Variants in GNAZ observed in about 807,000 individuals in gnomAD.
GNAZ encodes the protein G protein subunit alpha z.
In GNAZ, 3 loss-of-function variants were observed where a neutral mutation model predicts 25.4. The ratio of observed to expected loss-of-function variants is 0.12; its 90% CI spans 0.05 to 0.30. The LOEUF (loss-of-function observed/expected upper bound fraction) is 0.30. Ranked by LOEUF, GNAZ falls within the 10% of genes least tolerant of loss-of-function variation. The pLI is 1.00. For synonymous variants in GNAZ, 211 were observed against 205.7 expected (o/e 1.03, Z -0.22); for missense variants, 241 against 501.8 (o/e 0.48, Z 4.97).
At chr22:23,088,953 C>G (rs1316760510) in intron 1 of GNAZ, among the ~76,000 whole-genome samples, 2 of 152,224 alleles carry the variant, frequency 1.3e-5, no homozygotes, top group Non-Finnish European at 2.9e-5. Flanking sequence ...CAGTCACAGT[C>G]TGGGTACAGT....
chr22:23,119,982 A>G (rs2069964955), intron 2 of GNAZ, among the ~76,000 whole-genome samples: 1 of 152,200 alleles, frequency 6.6e-6, no homozygotes, highest in Non-Finnish European at 1.5e-5. Context: ...CCTGCAAAGC[A>G]AGGGGAGTCC....
intron 2 of GNAZ, among the ~76,000 whole-genome samples, chr22:23,118,108 C>G (rs1265344508): frequency 6.6e-6 from 1 of 152,232 alleles, no homozygotes; most frequent in Admixed American, 6.5e-5. Flanking sequence ...GGCAGAGTCC[C>G]TTCCACAATG....
chr22:23,117,736 G>A (rs2069892583), intron 2 of GNAZ, among the ~76,000 whole-genome samples: 1 of 152,236 alleles, frequency 6.6e-6, no homozygotes, highest in African/African-American at 2.4e-5. Context: ...AGGAAACTGA[G>A]GCCCAGAGAA....
chr22:23,081,104 G>A (rs1298344926), intron 1 of GNAZ, among the ~76,000 whole-genome samples: 4 of 152,206 alleles, frequency 2.6e-5, no homozygotes, highest in Non-Finnish European at 4.4e-5. Flanking sequence ...AATGAAAGTG[G>A]TTGCTTTGGA....
At chr22:23,104,955 C>T (rs991880562) in intron 2 of GNAZ, among the ~76,000 whole-genome samples, 1 of 152,230 alleles carries the variant, frequency 6.6e-6, no homozygotes, top group African/African-American at 2.4e-5. Context: ...TTTCTTCTCT[C>T]TGCATGTGGC....
chr22:23,091,123 C>T (rs1285043020), intron 1 of GNAZ, among the ~76,000 whole-genome samples: 1 of 152,222 alleles, frequency 6.6e-6, no homozygotes, highest in East Asian at 1.9e-4. Context: ...CGCACAACCA[C>T]ATGCAGACAG....
chr22:23,079,528 A>G (rs1047176288), intron 1 of GNAZ, among the ~76,000 whole-genome samples: 1 of 152,178 alleles, frequency 6.6e-6, no homozygotes, highest in African/African-American at 2.4e-5. Context: ...CCCTGGCTGG[A>G]CTTTGACTCG....
intron 2 of GNAZ, among the ~76,000 whole-genome samples, chr22:23,118,784 G>C (rs1219199190): frequency 2.6e-5 from 4 of 152,244 alleles, no homozygotes; most frequent in Non-Finnish European, 4.4e-5. Context: ...GCTGCATCCA[G>C]CTCTACCCCA....
chr22:23,098,111 C>A (rs1377115140), intron 2 of GNAZ, among the ~76,000 whole-genome samples: 2 of 152,262 alleles, frequency 1.3e-5, no homozygotes, highest in Non-Finnish European at 2.9e-5. Context: ...CCTTTGCCTG[C>A]CTGCAGCCCT....
chr22:23,076,713 A>G (rs2068514781), intron 1 of GNAZ, among the ~76,000 whole-genome samples: 1 of 152,252 alleles, frequency 6.6e-6, no homozygotes, highest in Non-Finnish European at 1.5e-5. Context: ...CTTCAGAGGC[A>G]TGTCTATGGA....
Position 23,123,454 on chromosome 22 carries a change from T to A in GNAZ, c.*23T>A. ...TGAGGAGCTGGGCCCGGGGCCCGCC[T>A]GCCTATGGTGAAACCCACGGGGTGT... On this transcript the variant is annotated 3_prime_UTR_variant, in exon 3 of 3. Transcript: ENST00000615612. The A allele has an allele frequency of 6.5e-7, 1 of 1,528,984 alleles. No homozygotes were observed. Among genetic ancestry groups the A allele is most frequent in the Non-Finnish European group, 9.0e-7 (1 of 1,110,290 alleles). 94.7% of individuals were successfully genotyped at this position (1,528,984 alleles called of 1,614,324 possible).
At chr22:23,107,132 G>A (rs71316788) in intron 2 of GNAZ, among the ~76,000 whole-genome samples, 2 of 152,214 alleles carry the variant, frequency 1.3e-5, no homozygotes, top group African/African-American at 4.8e-5. Flanking sequence ...TGCTGTTTGA[G>A]GTGCCAGGCT....
intron 2 of GNAZ, among the ~76,000 whole-genome samples, chr22:23,103,003 G>A (rs1451470315): frequency 6.6e-6 from 1 of 152,206 alleles, no homozygotes; most frequent in Non-Finnish European, 1.5e-5. Flanking sequence ...TGAGGGAGGA[G>A]GGAGGAGAGA....
chr22:23,118,251 T>G (rs1263877978), intron 2 of GNAZ, among the ~76,000 whole-genome samples: 1 of 152,158 alleles, frequency 6.6e-6, no homozygotes, highest in African/African-American at 2.4e-5. Context: ...ACCTCACCAT[T>G]CCCCGACGCC....
chr22:23,073,630 G>A (rs79458834), intron 1 of GNAZ, among the ~76,000 whole-genome samples: 3,345 of 152,304 alleles, frequency 0.022, 124 homozygotes, highest in African/African-American at 0.077. Context: ...CAGGGGAGGC[G>A]CTTCACAGGA....
At chr22:23,098,246 C>T (rs2069181206) in intron 2 of GNAZ, among the ~76,000 whole-genome samples, 1 of 152,240 alleles carries the variant, frequency 6.6e-6, no homozygotes, top group African/African-American at 2.4e-5. Flanking sequence ...TTGTAATGAT[C>T]CTGATCCCTG....
intron 2 of GNAZ, among the ~76,000 whole-genome samples, chr22:23,100,186 G>A (rs2069255379): frequency 6.6e-6 from 1 of 152,230 alleles, no homozygotes; most frequent in Non-Finnish European, 1.5e-5. Flanking sequence ...CAGGGAACTG[G>A]GGGACAAGGA....
At chr22:23,087,419 G>A (rs990319875) in intron 1 of GNAZ, among the ~76,000 whole-genome samples, 6 of 152,134 alleles carry the variant, frequency 3.9e-5, no homozygotes, top group African/African-American at 1.4e-4. Context: ...AACTGTGATG[G>A]TGCACTGCAG....
intron 1 of GNAZ, among the ~76,000 whole-genome samples, chr22:23,081,033 A>G (rs867343761): frequency 1.4e-4 from 22 of 152,160 alleles, no homozygotes; most frequent in African/African-American, 5.1e-4. Flanking sequence ...ACTCATTGTA[A>G]TCACAGCCTG....
Sources: allele counts gnomAD v4.1 joint callset (sites outside exome capture counted in the v4.1 genomes callset), GRCh38; gene constraint gnomAD v4.1.1; transcripts MANE v1.5; gene names NCBI Gene and HGNC (gene_info 2026-07-23, HGNC 2026-07-21).